RDX: variants seen among roughly 807,000 people sequenced by gnomAD.
The protein encoded by RDX is radixin.
Under a neutral mutation model 83.7 loss-of-function variants are expected in RDX, and 32 were observed. The ratio of observed to expected loss-of-function variants is 0.38; its 90% CI spans 0.29 to 0.51. RDX has a LOEUF of 0.51. RDX is among the 20% of genes least tolerant of loss of function. The probability of loss-of-function intolerance (pLI) is 0.87; values close to 1 mark genes in which losing one functional copy is unlikely to be tolerated. For missense variants in RDX, 600 were observed against 689.9 expected (o/e 0.87, Z 1.46); for synonymous variants, 229 against 222.7 (o/e 1.03, Z -0.25).
At chr11:110,233,543 T>C in intron 12 of RDX, 64 bp from the exon 13 acceptor site, 1 of 1,529,148 alleles carries the variant, frequency 6.5e-7, no homozygotes, top group Non-Finnish European at 9.0e-7. Context: ...AACAATCAAG[T>C]TATACTCCCT....
At chr11:110,221,424 C>T (rs1864242614) in intron 14 of RDX, among the ~76,000 whole-genome samples, 1 of 151,944 alleles carries the variant, frequency 6.6e-6, no homozygotes, top group Admixed American at 6.6e-5. Flanking sequence ...ATGGTGAAAC[C>T]CCATCTCTAC....
chr11:110,253,602 T>C (rs1466523205), intron 9 of RDX, among the ~76,000 whole-genome samples: 6 of 152,150 alleles, frequency 3.9e-5, no homozygotes, highest in South Asian at 4.1e-4. Flanking sequence ...GTTTCAAAGT[T>C]AAATATTCAG....
chr11:110,283,031 T>TA (rs993079244), intron 1 of RDX, among the ~76,000 whole-genome samples: 3 of 152,070 alleles, frequency 2.0e-5, no homozygotes, highest in Non-Finnish European at 2.9e-5. Context: ...TCACTTTTTT[T>TA]AAAAAAACAA....
At chr11:110,269,496 T>C (rs1005666166) in intron 3 of RDX, among the ~76,000 whole-genome samples, 1 of 152,164 alleles carries the variant, frequency 6.6e-6, no homozygotes, top group Non-Finnish European at 1.5e-5. Flanking sequence ...GACATGGGGC[T>C]TTACTACACA....
At chr11:110,271,113 A>G (rs1860291329) in intron 3 of RDX, among the ~76,000 whole-genome samples, 1 of 152,230 alleles carries the variant, frequency 6.6e-6, no homozygotes, top group African/African-American at 2.4e-5. Context: ...CCACACAAAA[A>G]GCTTTTCATG....
intron 2 of RDX, among the ~76,000 whole-genome samples, chr11:110,276,432 C>G (rs923118281): frequency 6.6e-6 from 1 of 152,070 alleles, no homozygotes; most frequent in African/African-American, 2.4e-5. Flanking sequence ...TAGGGCAAGT[C>G]TCCATTATTC....
At chr11:110,205,068 C>A (rs933542656) in intron 14 of RDX, among the ~76,000 whole-genome samples, 7 of 151,824 alleles carry the variant, frequency 4.6e-5, no homozygotes, top group Non-Finnish European at 8.8e-5. Context: ...AAACACTGAC[C>A]AATGCAACAG....
At chr11:110,241,035 GAC>G (rs1173277356) in intron 10 of RDX, among the ~76,000 whole-genome samples, 2 of 109,664 alleles carry the variant, frequency 1.8e-5, no homozygotes, top group African/African-American at 6.7e-5. Flanking sequence ...CAGCCTGGGC[GAC>G]AGAGTGAGAC....
intron 2 of RDX, among the ~76,000 whole-genome samples, chr11:110,274,557 T>G (rs1472834397): frequency 6.6e-6 from 1 of 152,172 alleles, no homozygotes; most frequent in African/African-American, 2.4e-5. Context: ...AGTGGCAGAA[T>G]CCCAGCTCAC....
At position 110,201,033 on chromosome 11, in the gene RDX, G is replaced by A. The variant is rs557392238; in HGVS notation, c.1749-1355C>T. ...TCTACTAAAAATAAGAAAATTAACCGCGCATGGTGGCGCATGCCTGTAATC... is the reference window on the plus strand; with the variant it reads ...TCTACTAAAAATAAGAAAATTAACCACGCATGGTGGCGCATGCCTGTAATC... On this transcript the variant is annotated intron_variant, in intron 14 of 15. Coordinates refer to the RDX transcript ENST00000528498. 8.6e-5 allele frequency among the ~76,000 whole-genome samples: 13 copies of A among 151,984 alleles called. No individual in the cohort carries two copies. The East Asian group carries it at 9.7e-4, about 11-fold the overall frequency.
At chr11:110,209,662 T>A (rs1863753297) in intron 14 of RDX, among the ~76,000 whole-genome samples, 1 of 147,414 alleles carries the variant, frequency 6.8e-6, no homozygotes, top group Non-Finnish European at 1.5e-5. Flanking sequence ...GACTGCCTCC[T>A]CAAGTGGGTC....
chr11:110,219,348 T>A (rs1184573480), intron 14 of RDX, among the ~76,000 whole-genome samples: 1 of 152,128 alleles, frequency 6.6e-6, no homozygotes, highest in Non-Finnish European at 1.5e-5. Context: ...CAGAATAGAT[T>A]AGGCTGCAAA....
At chr11:110,261,777 A>G (rs1180623667) in intron 5 of RDX, among the ~76,000 whole-genome samples, 3 of 152,256 alleles carry the variant, frequency 2.0e-5, no homozygotes, top group Admixed American at 6.5e-5. Context: ...AGCAACCACA[A>G]GCAACCCTAT....
intron 3 of RDX, among the ~76,000 whole-genome samples, chr11:110,265,109 G>GTTTTTTTT (rs71053876): frequency 1.9e-4 from 17 of 90,690 alleles, no homozygotes; most frequent in Non-Finnish European, 2.6e-4. Flanking sequence ...TTTTTTTTTT[G>GTTTTTTTT]TTTTTTTTTT....
chr11:110,199,798 T>C, intron 14 of RDX: 1 of 688,540 alleles, frequency 1.5e-6, no homozygotes, highest in South Asian at 1.5e-5. Flanking sequence ...CTTGTCAGCC[T>C]GGATTATGTA....
rs913801365 is a variant in RDX at position 110,230,673 on chromosome 11, T to C, written c.*1196A>G. On this transcript the variant is annotated 3_prime_UTR_variant, in exon 14 of 14. Transcript: ENST00000645495. ...ACAACACCCCTCCAGGATGATAGTATACCAGTGAGGAGCTTACAATTTTAA... is the reference window on the plus strand; with the variant it reads ...ACAACACCCCTCCAGGATGATAGTACACCAGTGAGGAGCTTACAATTTTAA... 7.2e-5 allele frequency: 11 copies of C among 152,486 alleles called. No homozygotes were observed. The highest frequency in any genetic ancestry group is 2.7e-4 in the African/African-American group (11 of 41,394). 9.4% of individuals were successfully genotyped at this position (152,486 alleles called of 1,614,324 possible).
At chr11:110,295,561 G>GAAA (rs1275560483) in intron 1 of RDX, among the ~76,000 whole-genome samples, 1 of 101,980 alleles carries the variant, frequency 9.8e-6, no homozygotes, top group Non-Finnish European at 2.0e-5. Context: ...ACTCTTTAAG[G>GAAA]AAAAAAAAAA....
At chr11:110,253,889 TA>T (rs1213320297) in intron 9 of RDX, 56 bp downstream of exon 9, 1 of 1,530,762 alleles carries the variant, frequency 6.5e-7, no homozygotes, top group East Asian at 2.3e-5. Flanking sequence ...TGAGCAGTCT[TA>T]AATTTTAGAT....
chr11:110,283,342 C>G (rs546738975), intron 1 of RDX, among the ~76,000 whole-genome samples: 2 of 152,030 alleles, frequency 1.3e-5, no homozygotes, highest in African/African-American at 4.8e-5. Flanking sequence ...TTAGTAGAGA[C>G]AGGGTTTCAC....
Sources: gnomAD v4.1 joint callset for allele counts (sites outside exome capture counted in the v4.1 genomes callset) on GRCh38, gnomAD v4.1.1 for gene constraint, MANE v1.5 for transcripts, NCBI Gene and HGNC (gene_info 2026-07-23, HGNC 2026-07-21) for gene names.